The following DENND1B variants were observed in gnomAD, a reference collection of about 807,000 sequenced individuals.
DENND1B encodes the protein DENN domain containing 1B.
In DENND1B, 59 loss-of-function variants were observed where a neutral mutation model predicts 90.1. That is an observed-to-expected ratio of 0.65 (90% CI 0.53 to 0.81). The LOEUF (loss-of-function observed/expected upper bound fraction) is 0.81, where lower values mean the gene tolerates loss of function less well. Ranked by LOEUF, DENND1B falls within the 40% of genes least tolerant of loss-of-function variation. The pLI, the probability that DENND1B is intolerant of heterozygous loss-of-function variation, is 0.00. For synonymous variants in DENND1B, 337 were observed against 324.6 expected, an observed-to-expected ratio of 1.04 and a Z score of -0.41; for missense variants, 862 against 912.6, an observed-to-expected ratio of 0.94 and a Z score of 0.71.
chr1:197,563,803 T>G (rs1672379131), intron 15 of DENND1B, among the ~76,000 whole-genome samples: 1 of 151,928 alleles, frequency 6.6e-6, no homozygotes, highest in African/African-American at 2.4e-5. Context: ...CCATTCTAGA[T>G]ATCATTAAGA....
chr1:197,698,603 C>A (rs1658692919), intron 3 of DENND1B, among the ~76,000 whole-genome samples: 1 of 149,472 alleles, frequency 6.7e-6, no homozygotes, highest in Non-Finnish European at 1.5e-5. Context: ...AAAAACTCAC[C>A]AAAAAAAAAA....
At chr1:197,716,683 TAAAC>T (rs1660677113) in intron 2 of DENND1B, among the ~76,000 whole-genome samples, 1 of 151,912 alleles carries the variant, frequency 6.6e-6, no homozygotes, top group Non-Finnish European at 1.5e-5. Context: ...AACAGCTACA[TAAAC>T]AAATCCTCAT....
At chr1:197,758,960 A>ATTTTT (rs759108636) in intron 2 of DENND1B, among the ~76,000 whole-genome samples, 4 of 97,850 alleles carry the variant, frequency 4.1e-5, no homozygotes, top group African/African-American at 1.5e-4. Context: ...TACTTCATTA[A>ATTTTT]TTTTTTTTTT....
At chr1:197,702,509 T>C (rs1319322036) in intron 3 of DENND1B, among the ~76,000 whole-genome samples, 3 of 152,198 alleles carry the variant, frequency 2.0e-5, no homozygotes, top group Non-Finnish European at 4.4e-5. Flanking sequence ...TCTACTTGAA[T>C]ATAATTTCCA....
At chr1:197,723,579 A>G (rs565739953) in intron 2 of DENND1B, among the ~76,000 whole-genome samples, 1 of 152,306 alleles carries the variant, frequency 6.6e-6, no homozygotes, top group Admixed American at 6.5e-5. Context: ...AAAAGCCAAC[A>G]CAAACGTTTT....
chr1:197,555,844 C>T (rs892408383), intron 15 of DENND1B, among the ~76,000 whole-genome samples: 7 of 151,982 alleles, frequency 4.6e-5, no homozygotes, highest in Admixed American at 4.6e-4. Context: ...TCCAGCAATC[C>T]CCATATTGGG....
chr1:197,684,419 A>C (rs987487102), intron 3 of DENND1B, among the ~76,000 whole-genome samples: 3 of 152,202 alleles, frequency 2.0e-5, no homozygotes, highest in African/African-American at 7.2e-5. Flanking sequence ...ATTGCAATCG[A>C]TAATCAGCAG....
intron 2 of DENND1B, among the ~76,000 whole-genome samples, chr1:197,731,332 C>T (rs1045442022): frequency 4.6e-5 from 7 of 151,656 alleles, no homozygotes; most frequent in Non-Finnish European, 1.0e-4. Context: ...GACCTCAGAC[C>T]AAAAATATGC....
intron 20 of DENND1B, among the ~76,000 whole-genome samples, chr1:197,518,317 CCTTAT>C (rs1261631815): frequency 2.0e-5 from 3 of 151,892 alleles, no homozygotes; most frequent in Non-Finnish European, 4.4e-5. Context: ...ATAACCAACG[CCTTAT>C]CTTAAGTGGC....
chr1:197,625,169 C>A (rs1472472699), intron 10 of DENND1B, among the ~76,000 whole-genome samples: 1 of 151,952 alleles, frequency 6.6e-6, no homozygotes, highest in Non-Finnish European at 1.5e-5. Context: ...GAGAACGCCA[C>A]AAAGATATGC....
rs1315728719 is a variant in DENND1B, at chr1:197,746,828, G to A, written c.82+26040C>T. ...CCATGCAAGTTTCTTCTTTTTGGGG[G>A]CAGCCTGTGAATTTTCAACCTCCTT... is the stretch of plus-strand genomic sequence containing the variant. On this transcript the variant is annotated intron_variant, in intron 2 of 22. Transcript: ENST00000620048. 4.0e-5 allele frequency: 65 copies of A among 1,611,208 alleles called. No individual in the cohort carries two copies. In the South Asian group the frequency reaches 7.0e-4, roughly 17 times the overall value.
chr1:197,664,501 T>C (rs1572241838), intron 5 of DENND1B, among the ~76,000 whole-genome samples: 1 of 152,100 alleles, frequency 6.6e-6, no homozygotes, highest in East Asian at 1.9e-4. Context: ...GAGATATACA[T>C]AAAGTCATGA....
At chr1:197,515,752 A>G (rs1390896832) in intron 20 of DENND1B, among the ~76,000 whole-genome samples, 1 of 151,798 alleles carries the variant, frequency 6.6e-6, no homozygotes, top group African/African-American at 2.4e-5. Context: ...CTTTGACACT[A>G]AACAGCTCTA....
At chr1:197,513,290 C>T in intron 20 of DENND1B, among the ~76,000 whole-genome samples, 1 of 151,576 alleles carries the variant, frequency 6.6e-6, no homozygotes, top group East Asian at 1.9e-4. Flanking sequence ...ATGCACCCAT[C>T]ACACAGTTTC....
intron 19 of DENND1B, among the ~76,000 whole-genome samples, 183 bp from the exon 20 acceptor site, chr1:197,540,254 TTAAA>T (rs1670238570): frequency 6.6e-6 from 1 of 151,864 alleles, no homozygotes; most frequent in Non-Finnish European, 1.5e-5. Context: ...ATAAATTTAA[TTAAA>T]TAAGGTTAAT....
chr1:197,668,234 T>A (rs1414267793), intron 5 of DENND1B, among the ~76,000 whole-genome samples: 1 of 152,116 alleles, frequency 6.6e-6, no homozygotes, highest in African/African-American at 2.4e-5. Context: ...TAGCAAAAAC[T>A]GTTGCTGCAT....
chr1:197,561,703 G>A lies in DENND1B; in HGVS notation c.1150-8591C>T, dbSNP rs115851361. On this transcript the variant is annotated intron_variant, in intron 15 of 22. Coordinates refer to ENST00000620048, the MANE Select transcript of DENND1B (RefSeq NM_001195215.2). ...AAACTCAACTCTTGTTCTTCTTGAC[G>A]AAATCATCTTCTGCCCACAGTCTTC... 6.0e-3 allele frequency among the ~76,000 whole-genome samples: 914 copies of A among 151,792 alleles called. 11 individuals carry two copies. Among genetic ancestry groups the A allele is most frequent in the African/African-American group, 0.021 (885 of 41,452 alleles).
At chr1:197,730,990 A>T (rs2102316389) in intron 2 of DENND1B, among the ~76,000 whole-genome samples, 1 of 152,280 alleles carries the variant, frequency 6.6e-6, no homozygotes, top group South Asian at 2.1e-4. Flanking sequence ...ACTAGAGCCC[A>T]TAATGTTGAT....
At chr1:197,755,694 G>C (rs1031558275) in intron 2 of DENND1B, among the ~76,000 whole-genome samples, 5 of 152,158 alleles carry the variant, frequency 3.3e-5, no homozygotes, top group Non-Finnish European at 7.3e-5. Flanking sequence ...AGGTTTATTG[G>C]ACTTAACAGT....
Sources: allele counts gnomAD v4.1 joint callset (sites outside exome capture counted in the v4.1 genomes callset), GRCh38; gene constraint gnomAD v4.1.1; transcripts MANE v1.5; gene names NCBI Gene and HGNC (gene_info 2026-07-23, HGNC 2026-07-21).